The following SLC29A3 variants were observed in gnomAD, a reference collection of about 807,000 sequenced individuals.
The protein encoded by SLC29A3 is equilibrative nucleoside transporter 3.
Under a neutral mutation model 25.4 loss-of-function variants are expected in SLC29A3, and 18 were observed. The ratio of observed to expected loss-of-function variants is 0.71; its 90% CI spans 0.49 to 1.05. SLC29A3 has a LOEUF of 1.05. Among genes scored for constraint, SLC29A3 ranks in the 50% least tolerant of loss-of-function variants. The pLI is 0.00. For missense variants in SLC29A3, 586 were observed against 609.0 expected (o/e 0.96, Z 0.40); for synonymous variants, 258 against 267.1 (o/e 0.97, Z 0.33).
intron 4 of SLC29A3, among the ~76,000 whole-genome samples, chr10:71,353,864 G>A (rs2093747653): frequency 2.0e-5 from 3 of 152,170 alleles, no homozygotes; most frequent in South Asian, 4.1e-4. Context: ...GAGTCATGAA[G>A]GATGAGCTCC....
rs1156377615 is a variant in SLC29A3 at position 71,351,725 on chromosome 10, A to G, written c.547A>G (p.Ser183Gly). ...VILSGASTVFSSSIYGMTGSF... is the reference protein window; with the variant it reads ...VILSGASTVFGSSIYGMTGSF... ...CCTCAGCGGTGCCTCCACTGTCTTC[A>G]GCAGCAGCATCTACGGCATGACCGG... Residue 183 changes from serine (S) to glycine (G), a missense_variant, in exon 4 of 6, where the codon AGC becomes GGC. Ser to Gly is a moderately conservative substitution (Grantham distance 56). Transcript: ENST00000373189. 1 of 1,614,146 alleles carries G rather than the reference A, an allele frequency of 6.2e-7. No individual in the cohort carries two copies. The highest frequency in any genetic ancestry group is 1.7e-5 in the Admixed American group (1 of 60,028).
rs557190641 is a variant in SLC29A3 at position 71,319,323 on chromosome 10, C to G, written c.1+13C>G. 1 of 646,960 alleles carries G rather than the reference C, an allele frequency of 1.5e-6. No homozygotes were observed. Among genetic ancestry groups the G allele is most frequent in the Middle Eastern group, 3.9e-4 (1 of 2,590 alleles). The allele number at this position is 646,960 out of a possible 1,614,324, so 40.1% of individuals were successfully genotyped here. A position where few individuals can be genotyped will look rare whatever the true frequency, so the allele number is the denominator to read the frequency against. On this transcript the variant is annotated intron_variant, in intron 1 of 5. Coordinates refer to ENST00000373189, the MANE Select transcript of SLC29A3 (RefSeq NM_018344.6). ...CGCAGCGGCGACAGTAAGTGCGGGCCGGCTCGGGCTCTTCCGGCTACGGTC... is the reference window on the plus strand; with the variant it reads ...CGCAGCGGCGACAGTAAGTGCGGGCGGGCTCGGGCTCTTCCGGCTACGGTC...
chr10:71,355,080 C>T (rs917929489), intron 4 of SLC29A3, among the ~76,000 whole-genome samples: 12 of 152,300 alleles, frequency 7.9e-5, no homozygotes, highest in East Asian at 3.9e-4. Context: ...CAGGGCATAG[C>T]GTTTGTTGAA....
At chr10:71,374,015 G>C (rs1263406270) in intron 3 of SLC29A3, among the ~76,000 whole-genome samples, 1 of 152,158 alleles carries the variant, frequency 6.6e-6, no homozygotes, top group Non-Finnish European at 1.5e-5. Flanking sequence ...TTGTTATAAA[G>C]GTATATATGT....
In SLC29A3 at chr10:71,362,961, C is replaced by G. The variant is rs886047117; in HGVS notation, c.*353C>G. 2.0e-6 allele frequency: 1 copy of G among 489,266 alleles called. No homozygotes were observed. Among genetic ancestry groups the G allele is most frequent in the South Asian group, 1.5e-5 (1 of 64,790 alleles). 30.3% of individuals were successfully genotyped at this position (489,266 alleles called of 1,614,324 possible). A position where few individuals can be genotyped will look rare whatever the true frequency, so the allele number is the denominator to read the frequency against. ...TTATTACAAAGCCAGTGCCAAAACC[C>G]AGCCATGGGCTCTTTGCAACCTCCC... On this transcript the variant is annotated 3_prime_UTR_variant, in exon 6 of 6. Coordinates refer to ENST00000373189, the MANE Select transcript of SLC29A3 (RefSeq NM_018344.6).
intron 2 of SLC29A3, among the ~76,000 whole-genome samples, chr10:71,328,151 G>A (rs1170031663): frequency 1.3e-5 from 2 of 152,154 alleles, no homozygotes; most frequent in Non-Finnish European, 2.9e-5. Flanking sequence ...TGCAGGATGC[G>A]GCCAGGTCAT....
chr10:71,339,042 G>C (rs1395608678), intron 2 of SLC29A3, among the ~76,000 whole-genome samples: 1 of 152,210 alleles, frequency 6.6e-6, no homozygotes, highest in Non-Finnish European at 1.5e-5. Flanking sequence ...GTCTCCACCC[G>C]GTCTCTGCCC....
intron 2 of SLC29A3, among the ~76,000 whole-genome samples, chr10:71,330,773 C>T (rs1846099960): frequency 6.6e-6 from 1 of 152,174 alleles, no homozygotes; most frequent in African/African-American, 2.4e-5. Flanking sequence ...CCAGGCACTG[C>T]TAAGGGCACA....
intron 4 of SLC29A3, among the ~76,000 whole-genome samples, chr10:71,376,965 G>A (rs1847256960): frequency 6.6e-6 from 1 of 151,794 alleles, no homozygotes; most frequent in Admixed American, 6.6e-5. Context: ...TAGTAGAGGC[G>A]AGGTTTCACC....
Position 71,344,269 on chromosome 10 carries a change from G to A in SLC29A3, c.361G>A (p.Ala121Thr). 1 of 1,613,954 alleles carries A rather than the reference G, an allele frequency of 6.2e-7. No homozygotes were observed. The highest frequency in any genetic ancestry group is 1.1e-5 in the South Asian group (1 of 91,072). Residue 121 changes from alanine to threonine, a missense_variant, in exon 3 of 6, where the codon GCC (alanine) becomes ACC (threonine). Ala to Thr is a moderately conservative substitution (Grantham distance 58). Coordinates refer to ENST00000373189, the MANE Select transcript of SLC29A3 (RefSeq NM_018344.6). ...STVPSMLCLVANFLLVNRVAV... is the reference protein window; with the variant it reads ...STVPSMLCLVTNFLLVNRVAV... ...CGTGCCCTCCATGCTGTGCCTGGTG[G>A]CCAACTTCCTGCTTGTCAACAGGTA...
intron 3 of SLC29A3, among the ~76,000 whole-genome samples, chr10:71,346,243 T>C (rs1238527284): frequency 2.0e-5 from 3 of 152,214 alleles, no homozygotes; most frequent in African/African-American, 7.2e-5. Flanking sequence ...TGTGAGAGAA[T>C]GCTAGCCAAT....
At chr10:71,366,571 ACATG>A (rs1233078935), downstream of SLC29A3, among the ~76,000 whole-genome samples, 6 of 152,266 alleles carry the variant, frequency 3.9e-5, no homozygotes, top group African/African-American at 1.2e-4. Flanking sequence ...GCTTATTCCT[ACATG>A]CATAGGAGCT....
intron 2 of SLC29A3, among the ~76,000 whole-genome samples, chr10:71,330,671 A>T (rs1029116015): frequency 5.5e-4 from 83 of 152,202 alleles, no homozygotes; most frequent in African/African-American, 1.9e-3. Flanking sequence ...GAAAGTCCTG[A>T]CAGTTATGGT....
At chr10:71,349,175 G>C (rs1346267350) in intron 3 of SLC29A3, among the ~76,000 whole-genome samples, 1 of 152,182 alleles carries the variant, frequency 6.6e-6, no homozygotes, top group Non-Finnish European at 1.5e-5. Context: ...ATCATTCCCA[G>C]CTTGAAACCC....
chr10:71,358,478 C>A lies in SLC29A3; in HGVS notation c.773+2235C>A, dbSNP rs7077024. 6.9e-3 allele frequency among the ~76,000 whole-genome samples: 1,045 copies of A among 152,236 alleles called. 10 individuals are homozygous for A. The highest frequency in any genetic ancestry group is 0.024 in the African/African-American group (996 of 41,502). ...CTCCCCGCCCCTTCAGGGCTGTCAT[C>A]AGAAATTGCCTAGCTGTGGCTCCAG... is the stretch of plus-strand genomic sequence containing the variant. On this transcript the variant is annotated intron_variant, in intron 5 of 5. Coordinates refer to ENST00000373189, the MANE Select transcript of SLC29A3 (RefSeq NM_018344.6).
intron 2 of SLC29A3, among the ~76,000 whole-genome samples, chr10:71,329,581 G>C (rs1254912651): frequency 6.6e-6 from 1 of 152,152 alleles, no homozygotes; most frequent in African/African-American, 2.4e-5. Context: ...CTAATGTGTA[G>C]CCAGATAAGA....
chr10:71,339,474 C>T (rs1171980168), intron 2 of SLC29A3, among the ~76,000 whole-genome samples: 1 of 152,182 alleles, frequency 6.6e-6, no homozygotes, highest in Non-Finnish European at 1.5e-5. Flanking sequence ...AGCTGGGCCT[C>T]TCCCACGTGG....
intron 2 of SLC29A3, 30 bp from the exon 3 acceptor site, chr10:71,344,179 C>T (rs200531992): frequency 6.9e-5 from 109 of 1,576,156 alleles, no homozygotes; most frequent in East Asian, 3.1e-4. Context: ...CCTGAGTGAC[C>T]GCAGCACCTC....
At chr10:71,332,764 G>A (rs943451967) in intron 2 of SLC29A3, among the ~76,000 whole-genome samples, 16 of 152,292 alleles carry the variant, frequency 1.1e-4, no homozygotes, top group African/African-American at 1.7e-4. Flanking sequence ...CCCAGCCAGC[G>A]TGCCATTCCC....
Sources: gnomAD v4.1 joint callset for allele counts (sites outside exome capture counted in the v4.1 genomes callset) on GRCh38, gnomAD v4.1.1 for gene constraint, MANE v1.5 for transcripts, NCBI Gene and HGNC (gene_info 2026-07-23, HGNC 2026-07-21) for gene names.